Variants in ZFHX3 observed in about 807,000 individuals in gnomAD.
ZFHX3 encodes zinc finger homeobox protein 3.
In ZFHX3, 42 loss-of-function variants were observed where a neutral mutation model predicts 279.1. The ratio of observed to expected loss-of-function variants is 0.15; its 90% CI spans 0.12 to 0.19. The LOEUF is 0.19. ZFHX3 is among the 10% of genes least tolerant of loss of function. The pLI, the probability that ZFHX3 is intolerant of heterozygous loss-of-function variation, is 1.00. For synonymous variants in ZFHX3, 2,293 were observed against 1,957.8 expected (o/e 1.17, Z -4.52); for missense variants, 4,981 against 4,754.0 (o/e 1.05, Z -1.40).
Position 72,785,866 on chromosome 16 carries a change from G to GCTAA in ZFHX3, c.*1294_*1297dup, listed in dbSNP as rs1226417756. On this transcript the variant is annotated 3_prime_UTR_variant, in exon 10 of 10. Coordinates refer to ENST00000268489, the MANE Select transcript of ZFHX3 (RefSeq NM_006885.4). ...GATAAATAAAAAATAAATGCACAAA[G>GCTAA]CTAACAGACACAGGTAACTAGAATT... 6.6e-6 allele frequency: 1 copy of GCTAA among 152,078 alleles called. No individual in the cohort carries two copies. The highest frequency in any genetic ancestry group is 1.5e-5 in the Non-Finnish European group (1 of 67,996). The allele number at this position is 152,078 out of a possible 1,614,324, so 9.4% of individuals were successfully genotyped here. A position where few individuals can be genotyped will look rare whatever the true frequency, so the allele number is the denominator to read the frequency against.
At chr16:73,648,535 G>A (rs184402837) in intron 2 of ZFHX3, among the ~76,000 whole-genome samples, 67 of 152,176 alleles carry the variant, frequency 4.4e-4, no homozygotes, top group Non-Finnish European at 8.4e-4. Context: ...GATTACAGAC[G>A]TGCACAACCA....
intron 2 of ZFHX3, among the ~76,000 whole-genome samples, chr16:73,517,120 A>G (rs7192053): frequency 0.063 from 9,534 of 152,136 alleles, 1,013 homozygotes; most frequent in African/African-American, 0.22. Flanking sequence ...GTCTCGCTTT[A>G]CTGCATTCCC....
At chr16:72,850,193 C>T (rs2037581473) in intron 4 of ZFHX3, among the ~76,000 whole-genome samples, 1 of 152,184 alleles carries the variant, frequency 6.6e-6, no homozygotes, top group African/African-American at 2.4e-5. Flanking sequence ...GCCTTCCTGA[C>T]CCCAGCCTCC....
chr16:73,418,576 A>C (rs939563717), intron 3 of ZFHX3, among the ~76,000 whole-genome samples: 2 of 152,188 alleles, frequency 1.3e-5, no homozygotes, highest in African/African-American at 4.8e-5. Flanking sequence ...AAAGAAAGAG[A>C]CATGTCAGAA....
chr16:73,541,786 CTTTTTTTTTTTTTT>C (rs546761843), intron 2 of ZFHX3, among the ~76,000 whole-genome samples: 1,524 of 88,144 alleles, frequency 0.017, 54 homozygotes, highest in African/African-American at 0.057. Flanking sequence ...TGGTGGTTCT[CTTTTTTTTTTTTTT>C]TTTTTTTTTT....
At chr16:73,371,458 C>T (rs899731747) in intron 3 of ZFHX3, among the ~76,000 whole-genome samples, 7 of 151,806 alleles carry the variant, frequency 4.6e-5, no homozygotes, top group African/African-American at 7.3e-5. Context: ...CAACTCGGCT[C>T]GCTGCAACCT....
intron 2 of ZFHX3, among the ~76,000 whole-genome samples, chr16:73,552,949 C>A (rs2020223214): frequency 6.6e-6 from 1 of 152,160 alleles, no homozygotes; most frequent in Non-Finnish European, 1.5e-5. Context: ...GATTTTCATT[C>A]ACATCCACAG....
intron 1 of ZFHX3, among the ~76,000 whole-genome samples, chr16:73,790,437 T>C (rs997608952): frequency 2.6e-5 from 4 of 152,232 alleles, no homozygotes; most frequent in Non-Finnish European, 4.4e-5. Context: ...ATAAAAACTC[T>C]TGTAAAATGT....
chr16:73,850,010 G>C (rs1952631051), intron 1 of ZFHX3, among the ~76,000 whole-genome samples: 1 of 152,212 alleles, frequency 6.6e-6, no homozygotes. Context: ...TGGGATTACA[G>C]GCGTGAGCCA....
chr16:73,377,805 G>A (rs776922430), intron 3 of ZFHX3, among the ~76,000 whole-genome samples: 3 of 151,260 alleles, frequency 2.0e-5, no homozygotes, highest in Non-Finnish European at 3.0e-5. Context: ...AGGCTGAGGC[G>A]GGCAGATCAC....
intron 1 of ZFHX3, among the ~76,000 whole-genome samples, chr16:73,858,106 A>AAAGAAG (rs1269870037): frequency 6.6e-6 from 1 of 151,796 alleles, no homozygotes; most frequent in Non-Finnish European, 1.5e-5. Context: ...AAAAAAAAAA[A>AAAGAAG]AAGAAGAAGA....
intron 3 of ZFHX3, among the ~76,000 whole-genome samples, chr16:73,444,602 T>G (rs763236911): frequency 5.3e-5 from 8 of 152,188 alleles, no homozygotes; most frequent in Non-Finnish European, 8.8e-5. Flanking sequence ...GTAGAATATC[T>G]TTATAAAAGG....
intron 2 of ZFHX3, among the ~76,000 whole-genome samples, chr16:73,461,874 G>A (rs1041444244): frequency 3.4e-4 from 51 of 152,078 alleles, no homozygotes; most frequent in African/African-American, 1.2e-3. Flanking sequence ...CCTTCCATAA[G>A]TATTTTTGAA....
intron 5 of ZFHX3, among the ~76,000 whole-genome samples, chr16:72,821,390 T>A (rs2036786936): frequency 2.0e-5 from 3 of 152,176 alleles, no homozygotes; most frequent in Admixed American, 6.5e-5. Flanking sequence ...ACACCCTACA[T>A]TGTGTAATGT....
At chr16:73,399,499 G>C (rs1481126581) in intron 3 of ZFHX3, among the ~76,000 whole-genome samples, 2 of 152,122 alleles carry the variant, frequency 1.3e-5, no homozygotes, top group Non-Finnish European at 2.9e-5. Context: ...CCTCCACTCA[G>C]TCTTGGTATT....
Position 72,946,066 on chromosome 16 carries a change from T to C in ZFHX3, c.3216+4403A>G, listed in dbSNP as rs144520769. Among the ~76,000 whole-genome samples the C allele has an allele frequency of 9.1e-3, 1,390 of 152,322 alleles. 19 individuals are homozygous for C. The highest frequency in any genetic ancestry group is 0.013 in the Admixed American group (197 of 15,312). Reference sequence around the variant, plus strand: ...TGAATCCCAATGAGTTTCTTATGCATCAGGGAAAGAACTGAAAAGATGGGT... The same window carrying C: ...TGAATCCCAATGAGTTTCTTATGCACCAGGGAAAGAACTGAAAAGATGGGT... On this transcript the variant is annotated intron_variant, in intron 3 of 9. Coordinates refer to ENST00000268489, the MANE Select transcript of ZFHX3 (RefSeq NM_006885.4).
At chr16:73,847,183 C>T (rs769612997) in intron 1 of ZFHX3, among the ~76,000 whole-genome samples, 41 of 152,284 alleles carry the variant, frequency 2.7e-4, no homozygotes, top group Non-Finnish European at 5.1e-4. Context: ...GGCCTGCAAT[C>T]GCAGCTACTC....
Position 72,788,513 on chromosome 16 carries a change from G to GC in ZFHX3, c.9762dup (p.Pro3255AlafsTer176). ...TCTCCTTTCTCCTTCTTGGGGACAGGCAGGGGTTCCCCTTTCCCTTTGTGT... is the reference window on the plus strand; with the variant it reads ...TCTCCTTTCTCCTTCTTGGGGACAGGCCAGGGGTTCCCCTTTCCCTTTGTGT... On this transcript the variant is annotated frameshift_variant, in exon 10 of 10. Transcript: ENST00000268489. LOFTEE classifies it high-confidence loss of function. 1 of 1,614,200 alleles carries GC rather than the reference G, an allele frequency of 6.2e-7. No homozygotes were observed. Among genetic ancestry groups the GC allele is most frequent in the Non-Finnish European group, 8.5e-7 (1 of 1,180,038 alleles).
chr16:73,769,641 G>A (rs1597106326), intron 1 of ZFHX3, among the ~76,000 whole-genome samples: 1 of 152,184 alleles, frequency 6.6e-6, no homozygotes. Flanking sequence ...AATGTAAAAT[G>A]GGAATTTCTA....
Sources: gnomAD v4.1 joint callset for allele counts (sites outside exome capture counted in the v4.1 genomes callset) on GRCh38, gnomAD v4.1.1 for gene constraint, MANE v1.5 for transcripts, NCBI Gene and HGNC (gene_info 2026-07-23, HGNC 2026-07-21) for gene names.